Variants in PITPNM2 observed in about 807,000 individuals in gnomAD.
The protein encoded by PITPNM2 is phosphatidylinositol transfer protein membrane associated 2, also known as membrane-associated phosphatidylinositol transfer protein 2.
PITPNM2 carries 35 observed loss-of-function variants against 132.2 expected under a neutral mutation model. The observed-to-expected ratio is 0.26, with a 90% CI of 0.20 to 0.35. PITPNM2 has a LOEUF of 0.35. Ranked by LOEUF, PITPNM2 falls within the 10% of genes least tolerant of loss-of-function variation. PITPNM2 has a pLI of 1.00. For missense variants in PITPNM2, 1,332 were observed against 1,912.0 expected (o/e 0.70, Z 5.66); for synonymous variants, 738 against 799.2 (o/e 0.92, Z 1.29).
intron 2 of PITPNM2, among the ~76,000 whole-genome samples, chr12:123,067,495 A>G (rs1348573456): frequency 2.8e-5 from 4 of 141,598 alleles, no homozygotes; most frequent in Admixed American, 7.2e-5. Flanking sequence ...ACACACACAC[A>G]CACGCAAAAG....
intron 3 of PITPNM2, among the ~76,000 whole-genome samples, chr12:123,018,012 CT>C: frequency 7.2e-6 from 1 of 139,140 alleles, no homozygotes; most frequent in African/African-American, 2.8e-5. Context: ...TCCTTCCTTC[CT>C]TCCTTCCTTC....
At chr12:123,151,207 G>T (rs1398405856), upstream of PITPNM2, among the ~76,000 whole-genome samples, 1 of 146,664 alleles carries the variant, frequency 6.8e-6, no homozygotes, top group Admixed American at 6.8e-5. Context: ...TCTCGGCCCG[G>T]CCCCGCCGCC....
Position 123,097,427 on chromosome 12 carries a change from G to GCCAGCACCTCCTTTCCTCT in PITPNM2, c.-96+12939_-96+12957dup, listed in dbSNP as rs1328649053. 6.6e-6 allele frequency among the ~76,000 whole-genome samples: 1 copy of GCCAGCACCTCCTTTCCTCT among 152,152 alleles called. No homozygotes were observed. On this transcript the variant is annotated intron_variant, in intron 2 of 25. Coordinates refer to ENST00000320201, the MANE Select transcript of PITPNM2 (RefSeq NM_020845.3). This position sits in a 1 kb window ranked among gnomAD's most constrained non-coding sequence, Gnocchi z 4.7. ...CACTTTTCTGCACAGTCCTCAAGAGGCCAGCACCTCCTTTCCTCTCCTTGG... is the reference window on the plus strand; with the variant it reads ...CACTTTTCTGCACAGTCCTCAAGAGGCCAGCACCTCCTTTCCTCTCCAGCACCTCCTTTCCTCTCCTTGG...
chr12:123,141,387 C>G (rs1360991593), intron 1 of PITPNM2, among the ~76,000 whole-genome samples: 1 of 152,224 alleles, frequency 6.6e-6, no homozygotes, highest in African/African-American at 2.4e-5. Context: ...CTCTGCACCT[C>G]CAGCCACTGC....
Position 122,986,807 on chromosome 12 carries a change from G to A in PITPNM2, c.3436C>T (p.Leu1146Phe). ...VVRHWQDLGY[L>F]IIYVTGRPDM... The stretch of plus-strand genomic sequence containing the variant: ...GGCCGGCCCGTCACGTAGATGATGA[G>A]GTAGCCCAGGTCCTGCCAGTGCCTG... The change falls in exon 24 of 26, where the codon CTC (leucine) becomes TTC (phenylalanine). Residue 1146 changes from leucine to phenylalanine, a missense_variant. Physicochemically the swap from Leu to Phe is conservative, Grantham distance 22. This residue lies in a region of PITPNM2 where 251 missense variants were observed against 472.0 expected (regional missense o/e 0.53). Coordinates refer to ENST00000320201, the MANE Select transcript of PITPNM2 (RefSeq NM_020845.3). The A allele has an allele frequency of 6.2e-7, 1 of 1,612,410 alleles. No individual in the cohort carries two copies. Among genetic ancestry groups the A allele is most frequent in the Non-Finnish European group, 8.5e-7 (1 of 1,179,480 alleles).
chr12:122,988,624 G>A (rs2038043064), intron 19 of PITPNM2, 100 bp downstream of exon 19: 3 of 1,268,604 alleles, frequency 2.4e-6, no homozygotes, highest in Non-Finnish European at 3.3e-6. Flanking sequence ...ATCTGATGGG[G>A]TTGGAGAGGA....
At chr12:123,090,153 G>A (rs1415025633) in intron 2 of PITPNM2, 1 of 152,182 alleles carries the variant, frequency 6.6e-6, no homozygotes, top group Non-Finnish European at 1.5e-5. Flanking sequence ...TGTTGACCAG[G>A]GCTGCAGTCA....
In PITPNM2 at chr12:122,991,798, G is replaced by A. The variant is rs556631650; in HGVS notation, c.2404+701C>T. On this transcript the variant is annotated intron_variant, in intron 16 of 25. Coordinates refer to ENST00000320201, the MANE Select transcript of PITPNM2 (RefSeq NM_020845.3). The stretch of plus-strand genomic sequence containing the variant: ...GGGGCCCGTCTTGCCAGGTGGGCGC[G>A]GGAACAGGCATACTGGTTTCCAGGA... The A allele has an allele frequency of 5.2e-5, 67 of 1,299,450 alleles. 1 individual carries two copies. The South Asian group carries it at 1.7e-3, about 32-fold the overall frequency. The allele number at this position is 1,299,450 out of a possible 1,614,324, so 80.5% of individuals were successfully genotyped here.
At chr12:123,016,142 A>G (rs1417741582) in intron 3 of PITPNM2, among the ~76,000 whole-genome samples, 1 of 152,036 alleles carries the variant, frequency 6.6e-6, no homozygotes, top group Non-Finnish European at 1.5e-5. Flanking sequence ...CCTGGCCAAC[A>G]TGGTAAAACT....
Position 123,076,693 on chromosome 12 carries a change from A to G in PITPNM2, c.-96+33692T>C, listed in dbSNP as rs149796155. Among the ~76,000 whole-genome samples the G allele has an allele frequency of 2.8e-3, 425 of 152,274 alleles. 3 individuals carry two copies. The highest frequency in any genetic ancestry group is 9.1e-3 in the African/African-American group (380 of 41,538). On this transcript the variant is annotated intron_variant, in intron 2 of 25. Coordinates refer to ENST00000320201, the MANE Select transcript of PITPNM2 (RefSeq NM_020845.3). Reference sequence around the variant, plus strand: ...CCTCCAAGTTGAGTGCCTCTTTCAGAGTTGACTATGGGTTCCCTGGTACCT... The same window carrying G: ...CCTCCAAGTTGAGTGCCTCTTTCAGGGTTGACTATGGGTTCCCTGGTACCT...
intron 2 of PITPNM2, among the ~76,000 whole-genome samples, chr12:123,076,891 G>A (rs1201856985): frequency 6.6e-6 from 1 of 152,128 alleles, no homozygotes; most frequent in Non-Finnish European, 1.5e-5. Context: ...AGCTGTTCTT[G>A]TTGACAACCA....
intron 2 of PITPNM2, among the ~76,000 whole-genome samples, chr12:123,105,706 C>A (rs1237859080): frequency 6.6e-6 from 1 of 152,154 alleles, no homozygotes; most frequent in East Asian, 1.9e-4. Flanking sequence ...TGCCTCCCTG[C>A]AGGTGGGATG....
chr12:123,045,093 T>C (rs2040609475), intron 2 of PITPNM2, among the ~76,000 whole-genome samples: 2 of 152,240 alleles, frequency 1.3e-5, no homozygotes, highest in Non-Finnish European at 1.5e-5. Context: ...TGCCCTCTTG[T>C]CATTCAGGGA....
chr12:123,048,413 T>G (rs892965611), intron 2 of PITPNM2, among the ~76,000 whole-genome samples: 10 of 150,184 alleles, frequency 6.7e-5, no homozygotes, highest in Admixed American at 2.0e-4. Context: ...TTTTTTTTGT[T>G]TTTTTTTTTT....
chr12:123,131,216 G>A (rs990529904), intron 1 of PITPNM2, among the ~76,000 whole-genome samples: 5 of 152,192 alleles, frequency 3.3e-5, no homozygotes. Context: ...CTGGAGTAGA[G>A]TGAGCCCTAA....
At position 123,005,766 on chromosome 12, in the gene PITPNM2, T is replaced by C; in HGVS notation, c.644-218A>G. Reference sequence around the variant, plus strand: ...CACAAGCTCATAGTGGTTCTATAATTAGAGTGGAGGGGCCTCCCAAAGCAA... The same window carrying C: ...CACAAGCTCATAGTGGTTCTATAATCAGAGTGGAGGGGCCTCCCAAAGCAA... On this transcript the variant is annotated intron_variant, in intron 6 of 25. Transcript: ENST00000320201. The surrounding 1 kb of genome is among the most constrained non-coding windows in gnomAD (Gnocchi z 6.2). 1 of 566,954 alleles carries C rather than the reference T, an allele frequency of 1.8e-6. No individual in the cohort carries two copies. The allele number at this position is 566,954 out of a possible 1,614,324, so 35.1% of individuals were successfully genotyped here. A position where few individuals can be genotyped will look rare whatever the true frequency, so the allele number is the denominator to read the frequency against.
intron 2 of PITPNM2, among the ~76,000 whole-genome samples, chr12:123,109,129 C>G (rs1289492878): frequency 6.6e-6 from 1 of 152,212 alleles, no homozygotes; most frequent in East Asian, 1.9e-4. Context: ...TTAAACCTAC[C>G]CCCACCAGCA....
Position 123,058,733 on chromosome 12 carries a change from T to G in PITPNM2, c.-95-24048A>C, listed in dbSNP as rs1201971494. On this transcript the variant is annotated intron_variant, in intron 2 of 25. Coordinates refer to ENST00000320201, the MANE Select transcript of PITPNM2 (RefSeq NM_020845.3). The surrounding 1 kb of genome is among the most constrained non-coding windows in gnomAD (Gnocchi z 4.0). ...CAAGCGCTGTAGAAGCTGGTAACTG[T>G]TGCCTGAGGCATTTGCTCAAGTGCT... is the stretch of plus-strand genomic sequence containing the variant. Among the ~76,000 whole-genome samples the G allele has an allele frequency of 6.6e-6, 1 of 152,198 alleles. No individual in the cohort carries two copies. Among genetic ancestry groups the G allele is most frequent in the Non-Finnish European group, 1.5e-5 (1 of 68,028 alleles).
chr12:123,015,478 C>T lies in PITPNM2; in HGVS notation c.79-1436G>A, dbSNP rs137897734. ...TAGTCTTTAAAAAATGGTGCTGGGA[C>T]AATTGAATAACAACATGTAAAAGAA... On this transcript the variant is annotated intron_variant, in intron 3 of 25. Transcript: ENST00000320201. 3.3e-4 allele frequency among the ~76,000 whole-genome samples: 50 copies of T among 152,170 alleles called. No individual in the cohort carries two copies. In the East Asian group the frequency reaches 7.9e-3, roughly 24 times the overall value.
Sources: allele counts gnomAD v4.1 joint callset (sites outside exome capture counted in the v4.1 genomes callset), GRCh38; gene constraint gnomAD v4.1.1; regional missense constraint gnomAD v4.1.1; non-coding constraint Gnocchi (gnomAD v3.1); transcripts MANE v1.5; gene names NCBI Gene and HGNC (gene_info 2026-07-23, HGNC 2026-07-21).